The following PECR variants were observed in gnomAD, a reference collection of about 807,000 sequenced individuals.
PECR encodes the protein 2,4-dienoyl-CoA reductase-related protein.
Under a neutral mutation model 35.3 loss-of-function variants are expected in PECR, and 30 were observed. The observed-to-expected ratio is 0.85, with a 90% CI of 0.64 to 1.15. The LOEUF is 1.15. PECR is among the 50% of genes most tolerant of loss of function. The probability of loss-of-function intolerance (pLI) is 0.00; values close to 1 mark genes in which losing one functional copy is unlikely to be tolerated. For missense variants in PECR, 392 were observed against 370.8 expected, an observed-to-expected ratio of 1.06 and a Z score of -0.47; for synonymous variants, 148 against 138.9, an observed-to-expected ratio of 1.07 and a Z score of -0.46.
chr2:216,043,039 G>A lies in PECR; in HGVS notation c.826+865C>T, dbSNP rs36040928. On this transcript the variant is annotated intron_variant, in intron 7 of 7. Coordinates refer to ENST00000265322, the MANE Select transcript of PECR (RefSeq NM_018441.6). ...TATACACATACGTATATATGTATGT[G>A]TATATATATATACACATACGTATAT... 1.5e-3 allele frequency among the ~76,000 whole-genome samples: 131 copies of A among 89,670 alleles called. 3 individuals are homozygous for A. The highest frequency in any genetic ancestry group is 2.8e-3 in the East Asian group (9 of 3,194). 58.8% of individuals were successfully genotyped at this position (89,670 alleles called of 152,430 possible). A position where few individuals can be genotyped will look rare whatever the true frequency, so the allele number is the denominator to read the frequency against.
intron 1 of PECR, among the ~76,000 whole-genome samples, chr2:216,070,254 T>C (rs889360330): frequency 6.6e-6 from 1 of 152,250 alleles, no homozygotes; most frequent in Non-Finnish European, 1.5e-5. Context: ...TGTGGAATGA[T>C]GAAATCAGGC....
At chr2:216,065,047 AAATT>A (rs1488280957) in intron 3 of PECR, among the ~76,000 whole-genome samples, 1 of 152,242 alleles carries the variant, frequency 6.6e-6, no homozygotes, top group Admixed American at 6.5e-5. Flanking sequence ...TTTTATGAAC[AAATT>A]AATAGCTAAA....
intron 4 of PECR, among the ~76,000 whole-genome samples, chr2:216,058,687 T>C (rs1695276614): frequency 6.6e-6 from 1 of 151,530 alleles, no homozygotes; most frequent in South Asian, 2.1e-4. Context: ...TCCCTTTCCT[T>C]GGTAAATCTG....
At chr2:216,040,018 A>C (rs1304716530) in intron 7 of PECR, among the ~76,000 whole-genome samples, 1 of 152,214 alleles carries the variant, frequency 6.6e-6, no homozygotes, top group East Asian at 1.9e-4. Flanking sequence ...TGAACACAGA[A>C]GTATCAGCCT....
chr2:216,076,923 T>G (rs1174494983), intron 1 of PECR, among the ~76,000 whole-genome samples: 1 of 149,534 alleles, frequency 6.7e-6, no homozygotes, highest in African/African-American at 2.5e-5. Flanking sequence ...TTTTTTGAGA[T>G]GGAGTTTCGC....
chr2:216,052,495 G>C (rs1177784523), intron 4 of PECR, among the ~76,000 whole-genome samples: 1 of 152,206 alleles, frequency 6.6e-6, no homozygotes, highest in Non-Finnish European at 1.5e-5. Context: ...AATGGATAAA[G>C]AATTCCAGGT....
downstream of PECR, among the ~76,000 whole-genome samples, chr2:216,035,974 C>T (rs1178275896): frequency 6.6e-6 from 1 of 152,202 alleles, no homozygotes; most frequent in African/African-American, 2.4e-5. Context: ...TGCGTCACTC[C>T]TCATAGTGAC....
chr2:216,061,353 A>G (rs1695345823), intron 3 of PECR, among the ~76,000 whole-genome samples: 1 of 147,990 alleles, frequency 6.8e-6, no homozygotes, highest in African/African-American at 2.5e-5. Context: ...AGGAACCTAA[A>G]CCCATTGGAT....
downstream of PECR, among the ~76,000 whole-genome samples, chr2:216,036,355 A>G (rs1250769471): frequency 2.0e-5 from 3 of 152,200 alleles, no homozygotes; most frequent in Non-Finnish European, 4.4e-5. Context: ...ATCATTCCCA[A>G]TGATCTGCTG....
intron 6 of PECR, among the ~76,000 whole-genome samples, chr2:216,046,283 TATATACATAC>T (rs1218241148): frequency 5.0e-5 from 6 of 120,922 alleles, no homozygotes; most frequent in African/African-American, 2.2e-4. Flanking sequence ...AAAGTATATA[TATATACATAC>T]ATATATATAT....
chr2:216,030,482 C>T (rs1443688750), intron 7 of PECR, among the ~76,000 whole-genome samples: 2 of 152,138 alleles, frequency 1.3e-5, no homozygotes, highest in Admixed American at 1.3e-4. Flanking sequence ...ATGGAAAGGG[C>T]TTAGCAGTGT....
chr2:216,043,071 G>A (rs1454011759), intron 7 of PECR, among the ~76,000 whole-genome samples: 1,809 of 127,594 alleles, frequency 0.014, 53 homozygotes, highest in Non-Finnish European at 0.022. Context: ...ATATATGTAT[G>A]TATATATATA....
chr2:216,075,299 A>G (rs1370081893), intron 1 of PECR, among the ~76,000 whole-genome samples: 1 of 152,122 alleles, frequency 6.6e-6, no homozygotes, highest in Non-Finnish European at 1.5e-5. Context: ...AAAAAACAAG[A>G]TATTTAAGTA....
chr2:216,069,390 A>C (rs1695541349), intron 1 of PECR, among the ~76,000 whole-genome samples: 1 of 152,182 alleles, frequency 6.6e-6, no homozygotes, highest in African/African-American at 2.4e-5. Context: ...AAAACACATG[A>C]TCTAAGGGGG....
intron 3 of PECR, among the ~76,000 whole-genome samples, chr2:216,062,502 C>T (rs1011349794): frequency 6.6e-6 from 1 of 152,006 alleles, no homozygotes; most frequent in African/African-American, 2.4e-5. Context: ...CCAAATTCAC[C>T]AATAATTTAT....
rs1386931203 is a variant in PECR, at chr2:216,049,796, C to T, written c.604-423G>A. ...TTAGAAAAATGCAATATTTTCTTGG[C>T]TTTTTACCTAGATTGAAATCGCAAA... is the stretch of plus-strand genomic sequence containing the variant. On this transcript the variant is annotated intron_variant, in intron 5 of 7. Coordinates refer to ENST00000265322, the MANE Select transcript of PECR (RefSeq NM_018441.6). 2.0e-5 allele frequency among the ~76,000 whole-genome samples: 3 copies of T among 152,170 alleles called. No individual in the cohort carries two copies. In the East Asian group the frequency reaches 5.8e-4, roughly 29 times the overall value.
Position 216,043,003 on chromosome 2 carries a change from G to GTGTA in PECR, c.826+897_826+900dup, listed in dbSNP as rs1553560201. Among the ~76,000 whole-genome samples the GTGTA allele has an allele frequency of 2.3e-3, 246 of 104,930 alleles. 8 individuals are homozygous for GTGTA. The highest frequency in any genetic ancestry group is 9.1e-3 in the African/African-American group (236 of 26,036). The allele number at this position is 104,930 out of a possible 152,430, so 68.8% of individuals were successfully genotyped here. On this transcript the variant is annotated intron_variant, in intron 7 of 7. Coordinates refer to ENST00000265322, the MANE Select transcript of PECR (RefSeq NM_018441.6). ...TGTATATATATATACATACGTATAT[G>GTGTA]TGTATATATATATACACATACGTAT...
At chr2:216,052,129 T>C (rs1161071418) in intron 4 of PECR, among the ~76,000 whole-genome samples, 2 of 152,184 alleles carry the variant, frequency 1.3e-5, no homozygotes, top group Non-Finnish European at 2.9e-5. Context: ...GAGTTTGCAG[T>C]AAGCTGTTAT....
intron 7 of PECR, among the ~76,000 whole-genome samples, chr2:216,032,064 C>T (rs191865402): frequency 2.0e-5 from 3 of 152,338 alleles, no homozygotes; most frequent in Admixed American, 2.0e-4. Context: ...GACAGCTTTT[C>T]ATGCAGAAGG....
Sources: gnomAD v4.1 joint callset for allele counts (sites outside exome capture counted in the v4.1 genomes callset) on GRCh38, gnomAD v4.1.1 for gene constraint, MANE v1.5 for transcripts, NCBI Gene and HGNC (gene_info 2026-07-23, HGNC 2026-07-21) for gene names.